The following FMN1 variants were observed in gnomAD, a reference collection of about 807,000 sequenced individuals.
FMN1 encodes the protein formin 1, also known as formin-1.
Under a neutral mutation model 132.4 loss-of-function variants are expected in FMN1, and 110 were observed. The ratio of observed to expected loss-of-function variants is 0.83; its 90% confidence interval spans 0.71 to 0.97. FMN1 has a LOEUF of 0.97. Among genes scored for constraint, FMN1 ranks in the 50% least tolerant of loss-of-function variants. FMN1 has a pLI of 0.00. For synonymous variants in FMN1, 722 were observed against 651.7 expected (o/e 1.11, Z -1.64); for missense variants, 1,792 against 1,705.3 (o/e 1.05, Z -0.90).
chr15:33,125,101 T>C (rs1482324264), intron 4 of FMN1, among the ~76,000 whole-genome samples: 3 of 152,024 alleles, frequency 2.0e-5, no homozygotes, highest in African/African-American at 7.3e-5. Flanking sequence ...TGAAATAACA[T>C]AATGCCTTAG....
chr15:33,066,674 G>A, intron 5 of FMN1: 1 of 1,613,724 alleles, frequency 6.2e-7, no homozygotes, highest in Non-Finnish European at 8.5e-7. Context: ...GGCTTTAAAA[G>A]CCTCCAGGGC....
intron 7 of FMN1, among the ~76,000 whole-genome samples, chr15:32,982,669 T>C (rs2032772408): frequency 6.6e-6 from 1 of 152,176 alleles, no homozygotes; most frequent in Non-Finnish European, 1.5e-5. Flanking sequence ...TCATGCAATC[T>C]GTTACAGGCC....
chr15:32,823,906 A>C (rs543261848), intron 17 of FMN1, among the ~76,000 whole-genome samples: 1 of 152,378 alleles, frequency 6.6e-6, no homozygotes, highest in South Asian at 2.1e-4. Flanking sequence ...GAAGGCATGG[A>C]GCCTGGAGCT....
chr15:32,874,017 GT>G (rs962842419), intron 16 of FMN1, among the ~76,000 whole-genome samples: 2,626 of 115,058 alleles, frequency 0.023, 60 homozygotes, highest in African/African-American at 0.079. Context: ...TATTTTAGTT[GT>G]TTTTTTTTTT....
intron 16 of FMN1, among the ~76,000 whole-genome samples, chr15:32,881,296 TA>T (rs1481246440): frequency 6.6e-6 from 1 of 152,206 alleles, no homozygotes; most frequent in African/African-American, 2.4e-5. Flanking sequence ...AGTCTTATAG[TA>T]AAAGTTGGAT....
rs145557879 is a variant in FMN1, at chr15:33,102,843, G to C, written c.1868-13869C>G. ...TTCTCATATGGGTATTCAGTGTAAA[G>C]AAATGTACTTTTAGCAAATTTTCAA... On this transcript the variant is annotated intron_variant, in intron 4 of 20. Transcript: ENST00000616417. Among the ~76,000 whole-genome samples the C allele has an allele frequency of 2.0e-5, 3 of 152,184 alleles. No homozygotes were observed. The East Asian group carries it at 5.8e-4, about 29-fold the overall frequency.
At chr15:33,155,145 G>A in intron 3 of FMN1, 100 bp from the exon 4 acceptor site, 1 of 436,900 alleles carries the variant, frequency 2.3e-6, no homozygotes, top group Non-Finnish European at 4.1e-6. Context: ...TCCTTCCTCT[G>A]TGGCTGACCT....
At chr15:33,022,131 T>G (rs2141020479) in intron 6 of FMN1, among the ~76,000 whole-genome samples, 1 of 152,330 alleles carries the variant, frequency 6.6e-6, no homozygotes, top group South Asian at 2.1e-4. Flanking sequence ...CACCTCTAGA[T>G]TACTTATAAT....
chr15:32,964,024 C>CAT, intron 9 of FMN1, 83 bp downstream of exon 9: 1 of 864,602 alleles, frequency 1.2e-6, no homozygotes, highest in Non-Finnish European at 1.8e-6. Context: ...GATACACACA[C>CAT]ACACACACAC....
At chr15:33,075,209 T>C (rs2038161181) in intron 5 of FMN1, among the ~76,000 whole-genome samples, 1 of 152,062 alleles carries the variant, frequency 6.6e-6, no homozygotes, top group Admixed American at 6.6e-5. Context: ...TACACTATTA[T>C]GTGTTTGGCC....
intron 17 of FMN1, among the ~76,000 whole-genome samples, chr15:32,809,899 C>T (rs1225442033): frequency 6.6e-6 from 1 of 152,048 alleles, no homozygotes; most frequent in African/African-American, 2.4e-5. Flanking sequence ...TCAACTATTA[C>T]CTAGCAGGTA....
intron 6 of FMN1, among the ~76,000 whole-genome samples, chr15:33,008,547 C>T (rs1192930272): frequency 6.6e-6 from 1 of 152,208 alleles, no homozygotes; most frequent in Non-Finnish European, 1.5e-5. Context: ...TAAGTAAGCA[C>T]CCAGGGCTGA....
intron 9 of FMN1, among the ~76,000 whole-genome samples, chr15:32,928,815 C>T (rs1460824690): frequency 2.0e-5 from 3 of 152,152 alleles, no homozygotes; most frequent in Non-Finnish European, 4.4e-5. Flanking sequence ...CCAGTTAGGG[C>T]TCTGAAAACT....
At chr15:33,088,297 T>C (rs1217448070) in intron 5 of FMN1, among the ~76,000 whole-genome samples, 7 of 152,220 alleles carry the variant, frequency 4.6e-5, no homozygotes, top group African/African-American at 1.7e-4. Context: ...GTGGTTATGT[T>C]TTTTAAATGC....
At chr15:33,127,454 T>C (rs1963202064) in intron 4 of FMN1, among the ~76,000 whole-genome samples, 2 of 152,222 alleles carry the variant, frequency 1.3e-5, no homozygotes, top group Non-Finnish European at 2.9e-5. Context: ...TACATCTAAC[T>C]GTAAATAAAA....
chr15:33,116,702 T>C (rs138108107), intron 4 of FMN1, among the ~76,000 whole-genome samples: 2,683 of 152,294 alleles, frequency 0.018, 40 homozygotes, highest in Non-Finnish European at 0.025. Flanking sequence ...GAAATTCATA[T>C]TGAAGCCCAA....
At chr15:32,863,932 A>G (rs1433211928) in intron 16 of FMN1, among the ~76,000 whole-genome samples, 1 of 152,262 alleles carries the variant, frequency 6.6e-6, no homozygotes, top group Non-Finnish European at 1.5e-5. Context: ...CATGAAATGC[A>G]ATGTAATAAA....
At chr15:33,181,901 G>A (rs973079754) in intron 2 of FMN1, among the ~76,000 whole-genome samples, 4 of 151,602 alleles carry the variant, frequency 2.6e-5, no homozygotes, top group African/African-American at 9.7e-5. Context: ...GTAGAGACAG[G>A]GTTTCACCAT....
chr15:32,858,094 G>GA (rs1344955011), intron 16 of FMN1, among the ~76,000 whole-genome samples: 1 of 152,184 alleles, frequency 6.6e-6, no homozygotes, highest in African/African-American at 2.4e-5. Context: ...ACAAAATAGA[G>GA]AAACATATAC....
Sources: allele counts gnomAD v4.1 joint callset (sites outside exome capture counted in the v4.1 genomes callset), GRCh38; gene constraint gnomAD v4.1.1; transcripts MANE v1.5; gene names NCBI Gene and HGNC (gene_info 2026-07-23, HGNC 2026-07-21).